GNB4: variants seen among roughly 807,000 people sequenced by gnomAD.
The protein encoded by GNB4 is guanine nucleotide-binding protein subunit beta-4.
In GNB4, 28 loss-of-function variants were observed where a neutral mutation model predicts 45.2. The observed-to-expected ratio is 0.62, with a 90% CI of 0.46 to 0.85. The LOEUF (loss-of-function observed/expected upper bound fraction) is 0.85, where lower values mean the gene tolerates loss of function less well. Among genes scored for constraint, GNB4 ranks in the 40% least tolerant of loss-of-function variants. The pLI, the probability that GNB4 is intolerant of heterozygous loss-of-function variation, is 0.00. For missense variants in GNB4, 321 were observed against 425.4 expected (o/e 0.75, Z 2.16); for synonymous variants, 132 against 143.7 (o/e 0.92, Z 0.58).
chr3:179,498,747 TG>T, the GNB4 span, among the ~76,000 whole-genome samples: 129 of 116,766 alleles, frequency 1.1e-3, 6 homozygotes, highest in Middle Eastern at 4.8e-3. Flanking sequence ...GGTTGAGGTT[TG>T]GTTTTTTTTT....
intron 1 of GNB4, among the ~76,000 whole-genome samples, chr3:179,445,500 G>A (rs1415906761): frequency 1.3e-5 from 2 of 152,090 alleles, no homozygotes; most frequent in Non-Finnish European, 2.9e-5. Flanking sequence ...TGCCCAGGCT[G>A]GTCTTAAACT....
chr3:179,484,179 G>A, the GNB4 span, among the ~76,000 whole-genome samples: 14 of 152,188 alleles, frequency 9.2e-5, no homozygotes, highest in Non-Finnish European at 1.5e-5. Context: ...GGGAATCTGT[G>A]AGATGTTAAA....
At chr3:179,495,475 TGAAAGAAAGAAGTAAA>T in the GNB4 span, among the ~76,000 whole-genome samples, 88 of 135,282 alleles carry the variant, frequency 6.5e-4, no homozygotes, top group Admixed American at 6.7e-3. Context: ...GACCCCATCA[TGAAAGAAAGAAGTAAA>T]GAAAGAAAGA....
chr3:179,431,078 T>C (rs1334319351), intron 1 of GNB4, among the ~76,000 whole-genome samples: 1 of 152,222 alleles, frequency 6.6e-6, no homozygotes, highest in Non-Finnish European at 1.5e-5. Context: ...ATTTAATATC[T>C]AAAACCCAGT....
chr3:179,437,389 AC>A (rs1202682200), intron 1 of GNB4, among the ~76,000 whole-genome samples: 2 of 150,806 alleles, frequency 1.3e-5, no homozygotes, highest in South Asian at 4.2e-4. Context: ...ACATGGTGAA[AC>A]CCCATCTCTA....
upstream of GNB4, among the ~76,000 whole-genome samples, chr3:179,454,891 C>T (rs1715956222): frequency 6.6e-6 from 1 of 152,186 alleles, no homozygotes; most frequent in Non-Finnish European, 1.5e-5. Flanking sequence ...ATCTACAGCA[C>T]AGTTTCCCAA....
At chr3:179,521,296 C>T in the GNB4 span, among the ~76,000 whole-genome samples, 1 of 152,094 alleles carries the variant, frequency 6.6e-6, no homozygotes, top group African/African-American at 2.4e-5. Context: ...TCAGCGAACT[C>T]ATGGTCTTTT....
At chr3:179,499,422 G>T in the GNB4 span, among the ~76,000 whole-genome samples, 1 of 152,096 alleles carries the variant, frequency 6.6e-6, no homozygotes, top group Non-Finnish European at 1.5e-5. Flanking sequence ...GCCTCCCAAA[G>T]TGCCGGGATT....
Position 179,400,880 on chromosome 3 carries a change from T to TA in GNB4, c.*332dup, listed in dbSNP as rs1714275673. On this transcript the variant is annotated 3_prime_UTR_variant, in exon 10 of 10. Transcript: ENST00000232564. ...TATACAAAGTTAAAAATGTACTTCTTAAAAAATGCAAACACAATGGCGAGC... is the reference window on the plus strand; with the variant it reads ...TATACAAAGTTAAAAATGTACTTCTTAAAAAAATGCAAACACAATGGCGAGC... 5.5e-6 allele frequency: 1 copy of TA among 182,282 alleles called. No individual in the cohort carries two copies. Among genetic ancestry groups the TA allele is most frequent in the Non-Finnish European group, 1.1e-5 (1 of 88,598 alleles). 11.3% of individuals were successfully genotyped at this position (182,282 alleles called of 1,614,324 possible). A position where few individuals can be genotyped will look rare whatever the true frequency, so the allele number is the denominator to read the frequency against.
chr3:179,429,762 A>AT (rs1170135858), intron 1 of GNB4, among the ~76,000 whole-genome samples: 9 of 152,218 alleles, frequency 5.9e-5, no homozygotes, highest in Non-Finnish European at 1.3e-4. Context: ...ACAATGGGGC[A>AT]TATCAGTTCT....
chr3:179,491,048 T>TTAA, the GNB4 span, among the ~76,000 whole-genome samples: 546 of 152,302 alleles, frequency 3.6e-3, 5 homozygotes, highest in African/African-American at 0.013. Context: ...ACGTTAGAAT[T>TTAA]ATCTGACAGT....
chr3:179,501,858 G>A, the GNB4 span, among the ~76,000 whole-genome samples: 28 of 152,048 alleles, frequency 1.8e-4, no homozygotes, highest in African/African-American at 3.6e-4. Flanking sequence ...ACCTCTTCTC[G>A]CCACTTCCAT....
chr3:179,417,409 A>ATTTT (rs35958397), intron 4 of GNB4, among the ~76,000 whole-genome samples: 4 of 143,382 alleles, frequency 2.8e-5, no homozygotes, highest in African/African-American at 1.0e-4. Context: ...TTTTGTTTGG[A>ATTTT]TTTTTTTTTT....
intron 1 of GNB4, among the ~76,000 whole-genome samples, chr3:179,427,429 A>G (rs1377107732): frequency 6.6e-6 from 1 of 151,814 alleles, no homozygotes; most frequent in Non-Finnish European, 1.5e-5. Flanking sequence ...ACATGGCGAA[A>G]CCTCATCTCT....
At chr3:179,484,044 T>C in the GNB4 span, among the ~76,000 whole-genome samples, 1 of 152,222 alleles carries the variant, frequency 6.6e-6, no homozygotes, top group Non-Finnish European at 1.5e-5. Flanking sequence ...TTAGTAGTTA[T>C]GGGCACGTTG....
At chr3:179,408,029 G>A (rs527904184) in intron 8 of GNB4, among the ~76,000 whole-genome samples, 1 of 152,234 alleles carries the variant, frequency 6.6e-6, no homozygotes, top group East Asian at 1.9e-4. Flanking sequence ...TAGTTTCCAA[G>A]TAACTTAACT....
chr3:179,461,107 A>G, the GNB4 span, among the ~76,000 whole-genome samples: 1 of 151,940 alleles, frequency 6.6e-6, no homozygotes, highest in Non-Finnish European at 1.5e-5. Context: ...TAAAAGCCTT[A>G]TCTTCCTCGT....
chr3:179,480,497 C>T, the GNB4 span, among the ~76,000 whole-genome samples: 1 of 152,170 alleles, frequency 6.6e-6, no homozygotes, highest in African/African-American at 2.4e-5. Context: ...TAGCTGCCAT[C>T]ATTCTCAAGG....
rs1714203669 is a variant in GNB4, at chr3:179,398,973, T to C, written c.*2240A>G. 6.6e-6 allele frequency: 1 copy of C among 152,208 alleles called. No homozygotes were observed. The allele number at this position is 152,208 out of a possible 1,614,324, so 9.4% of individuals were successfully genotyped here. The stretch of plus-strand genomic sequence containing the variant: ...ATAGAATTCCTGTGGTCTGTATGCC[T>C]GTGACTACTATAATAACTTTTAAGT... On this transcript the variant is annotated 3_prime_UTR_variant, in exon 10 of 10. Transcript: ENST00000232564.
Sources: gnomAD v4.1 joint callset for allele counts (sites outside exome capture counted in the v4.1 genomes callset) on GRCh38, gnomAD v4.1.1 for gene constraint, MANE v1.5 for transcripts, NCBI Gene and HGNC (gene_info 2026-07-23, HGNC 2026-07-21) for gene names.